The following ZEB1 variants were observed in gnomAD, a reference collection of about 807,000 sequenced individuals.
ZEB1 encodes zinc finger E-box-binding homeobox 1.
In ZEB1, 21 loss-of-function variants were observed where a neutral mutation model predicts 84.9. That is an observed-to-expected ratio of 0.25 (90% confidence interval 0.18 to 0.36). ZEB1 has a LOEUF of 0.36. ZEB1 is among the 10% of genes least tolerant of loss of function. ZEB1 has a pLI of 1.00. For missense variants in ZEB1, 1,104 were observed against 1,330.2 expected, an observed-to-expected ratio of 0.83 and a Z score of 2.65; for synonymous variants, 420 against 471.1, an observed-to-expected ratio of 0.89 and a Z score of 1.41.
chr10:31,395,942 C>T (rs1218924218), intron 1 of ZEB1, among the ~76,000 whole-genome samples: 1 of 152,106 alleles, frequency 6.6e-6, no homozygotes, highest in African/African-American at 2.4e-5. Context: ...CCATCATGTC[C>T]ATGGGGTGGA....
At chr10:31,354,222 A>G (rs1282665093) in intron 1 of ZEB1, among the ~76,000 whole-genome samples, 1 of 152,190 alleles carries the variant, frequency 6.6e-6, no homozygotes, top group African/African-American at 2.4e-5. Flanking sequence ...TTTCATTTTC[A>G]AACACTGACT....
chr10:31,403,231 T>C (rs1025060127), intron 1 of ZEB1, among the ~76,000 whole-genome samples: 3 of 152,086 alleles, frequency 2.0e-5, no homozygotes, highest in Non-Finnish European at 2.9e-5. Context: ...AGTTTCAGAA[T>C]TGTTGTGAGG....
chr10:31,386,237 T>G (rs1450320275), intron 1 of ZEB1, among the ~76,000 whole-genome samples: 1 of 151,914 alleles, frequency 6.6e-6, no homozygotes, highest in East Asian at 1.9e-4. Context: ...TTTCCTGATC[T>G]TAAAGCATTC....
At chr10:31,396,499 A>G (rs2050753261) in intron 1 of ZEB1, among the ~76,000 whole-genome samples, 1 of 152,214 alleles carries the variant, frequency 6.6e-6, no homozygotes, top group Non-Finnish European at 1.5e-5. Context: ...ATGTATGGCA[A>G]GAACACTGCA....
intron 2 of ZEB1, among the ~76,000 whole-genome samples, chr10:31,484,627 TTTAC>T (rs2065484996): frequency 6.6e-6 from 1 of 151,952 alleles, no homozygotes; most frequent in African/African-American, 2.4e-5. Context: ...CTTCGGATAT[TTTAC>T]TTAACTGATT....
chr10:31,456,675 G>T (rs2061277429), intron 1 of ZEB1, among the ~76,000 whole-genome samples: 1 of 152,044 alleles, frequency 6.6e-6, no homozygotes, highest in African/African-American at 2.4e-5. Flanking sequence ...CAACTTAGTA[G>T]CTACATAACC....
At chr10:31,432,742 A>G (rs1319582873) in intron 1 of ZEB1, among the ~76,000 whole-genome samples, 1 of 152,146 alleles carries the variant, frequency 6.6e-6, no homozygotes, top group Non-Finnish European at 1.5e-5. Flanking sequence ...GGTTATATTT[A>G]CTGATATTTA....
intron 1 of ZEB1, among the ~76,000 whole-genome samples, chr10:31,380,113 T>C (rs1352866042): frequency 1.3e-5 from 2 of 152,132 alleles, no homozygotes; most frequent in African/African-American, 2.4e-5. Context: ...TGGACTGCTG[T>C]ATAATTAAAA....
chr10:31,473,166 T>A (rs2063524712), intron 2 of ZEB1, among the ~76,000 whole-genome samples: 2 of 151,108 alleles, frequency 1.3e-5, no homozygotes, highest in Non-Finnish European at 2.9e-5. Context: ...GGATGCCCTC[T>A]CTCACCACTC....
At chr10:31,449,815 C>G (rs982360652) in intron 1 of ZEB1, among the ~76,000 whole-genome samples, 1 of 152,086 alleles carries the variant, frequency 6.6e-6, no homozygotes, top group African/African-American at 2.4e-5. Flanking sequence ...GATAATAATA[C>G]CAACAGTATG....
rs145519055 is a variant in ZEB1 at position 31,420,057 on chromosome 10, C to G, written c.59-40980C>G. On this transcript the variant is annotated intron_variant, in intron 1 of 8. Transcript: ENST00000424869. ...CTCCTCTTTGTTCTAATGTATACTA[C>G]TAAATTTCTACTTCGATGACCTTTG... 3.5e-4 allele frequency among the ~76,000 whole-genome samples: 53 copies of G among 152,198 alleles called. No individual in the cohort carries two copies. In the East Asian group the frequency reaches 7.3e-3, roughly 21 times the overall value.
At chr10:31,342,047 CT>C (rs1364343029) in intron 1 of ZEB1, among the ~76,000 whole-genome samples, 1 of 152,124 alleles carries the variant, frequency 6.6e-6, no homozygotes, top group East Asian at 1.9e-4. Context: ...GTACATTATT[CT>C]TTACGTATAT....
intron 1 of ZEB1, among the ~76,000 whole-genome samples, chr10:31,397,762 C>T (rs1421231728): frequency 6.6e-6 from 1 of 152,040 alleles, no homozygotes; most frequent in Non-Finnish European, 1.5e-5. Context: ...GGAGAATATG[C>T]AACAGAGATT....
Position 31,529,432 on chromosome 10 carries a change from C to T in ZEB1, c.*2168C>T, listed in dbSNP as rs563340936. 5.3e-5 allele frequency: 8 copies of T among 152,304 alleles called. No individual in the cohort carries two copies. The highest frequency in any genetic ancestry group is 3.3e-4 in the Admixed American group (5 of 15,290). The allele number at this position is 152,304 out of a possible 1,614,324, so 9.4% of individuals were successfully genotyped here. A position where few individuals can be genotyped will look rare whatever the true frequency, so the allele number is the denominator to read the frequency against. ...CTTCTTCCTGAAATCCTTAATCCTC[C>T]GCATTTCATGCTTCAGGTCATTTCA... On this transcript the variant is annotated 3_prime_UTR_variant, in exon 9 of 9. Coordinates refer to ENST00000424869, the MANE Select transcript of ZEB1 (RefSeq NM_001174096.2).
chr10:31,463,276 C>T (rs972692279), intron 2 of ZEB1, among the ~76,000 whole-genome samples: 10 of 151,858 alleles, frequency 6.6e-5, no homozygotes, highest in African/African-American at 1.7e-4. Context: ...ATGTTGGGTT[C>T]GATTATTTGA....
chr10:31,421,831 T>A (rs2056209466), intron 1 of ZEB1, among the ~76,000 whole-genome samples: 1 of 152,154 alleles, frequency 6.6e-6, no homozygotes, highest in Admixed American at 6.6e-5. Flanking sequence ...TAGAAACTGA[T>A]TTATTAATTT....
chr10:31,448,228 T>C (rs1305499170), intron 1 of ZEB1, among the ~76,000 whole-genome samples: 2 of 133,612 alleles, frequency 1.5e-5, no homozygotes, highest in Admixed American at 1.5e-4. Flanking sequence ...TTCTGCATTC[T>C]TCACGTAGTT....
intron 1 of ZEB1, among the ~76,000 whole-genome samples, chr10:31,435,895 G>C (rs1240032647): frequency 6.6e-6 from 1 of 152,186 alleles, no homozygotes; most frequent in Admixed American, 6.5e-5. Context: ...GTCCTGAGGA[G>C]GAAGTTTACA....
intron 4 of ZEB1, among the ~76,000 whole-genome samples, chr10:31,507,926 C>T (rs546201166): frequency 6.6e-6 from 1 of 152,146 alleles, no homozygotes; most frequent in South Asian, 2.1e-4. Context: ...TACCTTGATA[C>T]CACACATCTG....
Sources: allele counts gnomAD v4.1 joint callset (sites outside exome capture counted in the v4.1 genomes callset), GRCh38; gene constraint gnomAD v4.1.1; transcripts MANE v1.5; gene names NCBI Gene and HGNC (gene_info 2026-07-23, HGNC 2026-07-21).